The following JDP2 variants were observed in gnomAD, a reference collection of about 807,000 sequenced individuals.
JDP2 encodes the protein Jun dimerization protein 2.
A neutral mutation model predicts 17.1 loss-of-function variants in JDP2; 9 were observed. The observed-to-expected ratio is 0.53, with a 90% confidence interval of 0.32 to 0.92. JDP2 has a LOEUF of 0.92. JDP2 is among the 40% of genes least tolerant of loss of function. JDP2 has a pLI of 0.04. For synonymous variants in JDP2, 107 were observed against 95.6 expected (o/e 1.12, Z -0.69); for missense variants, 179 against 220.0 (o/e 0.81, Z 1.18).
chr14:75,462,425 T>A (rs1886382262), intron 3 of JDP2, among the ~76,000 whole-genome samples: 1 of 152,242 alleles, frequency 6.6e-6, no homozygotes. Context: ...TTGGGTGCTG[T>A]GCTGAATGCT....
chr14:75,462,482 G>A (rs1181711183), intron 3 of JDP2, among the ~76,000 whole-genome samples: 1 of 152,110 alleles, frequency 6.6e-6, no homozygotes, highest in African/African-American at 2.4e-5. Context: ...ATATGAAGTG[G>A]GTACCTTCAT....
At chr14:75,445,016 A>T in intron 2 of JDP2, 3 of 773,624 alleles carry the variant, frequency 3.9e-6, no homozygotes, top group Non-Finnish European at 4.7e-6. Flanking sequence ...CCATCAACCA[A>T]CAATCTTTTA....
At chr14:75,436,798 C>A (rs940784294) in intron 1 of JDP2, among the ~76,000 whole-genome samples, 3 of 152,224 alleles carry the variant, frequency 2.0e-5, no homozygotes, top group African/African-American at 7.2e-5. Context: ...TTGGTGTTGA[C>A]CTGTCTAATT....
intron 2 of JDP2, among the ~76,000 whole-genome samples, chr14:75,447,655 T>A (rs896007873): frequency 6.6e-6 from 1 of 152,098 alleles, no homozygotes; most frequent in Non-Finnish European, 1.5e-5. Flanking sequence ...ATCTATTATC[T>A]GTCTATGTTT....
intron 3 of JDP2, among the ~76,000 whole-genome samples, chr14:75,464,292 A>G (rs1594975909): frequency 6.6e-6 from 1 of 152,306 alleles, no homozygotes; most frequent in African/African-American, 2.4e-5. Flanking sequence ...AATAAATAGT[A>G]ATTATTTAAG....
intron 2 of JDP2, among the ~76,000 whole-genome samples, chr14:75,439,833 T>A (rs1885252848): frequency 1.3e-5 from 2 of 152,180 alleles, no homozygotes; most frequent in African/African-American, 2.4e-5. Flanking sequence ...AGCATCTGTT[T>A]CTGGATCATT....
Position 75,470,184 on chromosome 14 carries a change from T to G in JDP2, c.*709T>G, listed in dbSNP as rs902591998. The G allele has an allele frequency of 6.6e-6, 1 of 152,000 alleles. No homozygotes were observed. The highest frequency in any genetic ancestry group is 6.6e-5 in the Admixed American group (1 of 15,264). The allele number at this position is 152,000 out of a possible 1,614,324, so 9.4% of individuals were successfully genotyped here. ...TTTTTATACTTTCCTTTTTTTTTTTTTTTTTAATATTTTTTACAAAAAAAA... is the reference window on the plus strand; with the variant it reads ...TTTTTATACTTTCCTTTTTTTTTTTGTTTTTAATATTTTTTACAAAAAAAA... On this transcript the variant is annotated 3_prime_UTR_variant, in exon 4 of 4. Transcript: ENST00000651602.
rs759409550 is a variant in JDP2, at chr14:75,461,515, G to A, written c.291G>A (p.Thr97=). Residue 97 remains threonine (T), a synonymous_variant, in exon 3 of 4, where the codon ACG becomes ACA. Transcript: ENST00000651602. ...GCCGGAACAAGAAGAAGGAGCGCAC[G>A]GAGTTTCTGCAGCGGGTGAGCTGAC... is the stretch of plus-strand genomic sequence containing the variant. ...ARCRNKKKER[T]EFLQRESERL... 8.1e-6 allele frequency: 13 copies of A among 1,605,996 alleles called. No homozygotes were observed. Among genetic ancestry groups the A allele is most frequent in the Admixed American group, 3.4e-5 (2 of 58,714 alleles).
intron 2 of JDP2, among the ~76,000 whole-genome samples, chr14:75,446,171 A>C (rs1885591013): frequency 6.6e-6 from 1 of 152,238 alleles, no homozygotes; most frequent in Admixed American, 6.5e-5. Flanking sequence ...ATTGGTGAGC[A>C]TGTGGAGAAG....
chr14:75,429,923 C>T (rs1281210885), intron 1 of JDP2, among the ~76,000 whole-genome samples: 1 of 151,874 alleles, frequency 6.6e-6, no homozygotes, highest in Non-Finnish European at 1.5e-5. Context: ...GGCTTTTCTC[C>T]TAGGTGGGCT....
intron 2 of JDP2, among the ~76,000 whole-genome samples, chr14:75,442,033 G>A (rs895557329): frequency 2.0e-5 from 3 of 151,438 alleles, no homozygotes; most frequent in East Asian, 1.9e-4. Flanking sequence ...TCACCCTCTC[G>A]CCACGTCTCG....
intron 2 of JDP2, among the ~76,000 whole-genome samples, chr14:75,448,477 G>A (rs1885708102): frequency 6.6e-6 from 1 of 152,174 alleles, no homozygotes; most frequent in Non-Finnish European, 1.5e-5. Context: ...TCTGAGAATG[G>A]TTAAAGGATC....
chr14:75,430,136 T>G lies in JDP2; in HGVS notation c.-24+1884T>G, dbSNP rs75523764. The stretch of plus-strand genomic sequence containing the variant: ...CTGGGTTTGTTGTCATCTCCCTACC[T>G]GTTTGTAGGATGTGTGGGCATTTTT... On this transcript the variant is annotated intron_variant, in intron 1 of 3. Transcript: ENST00000651602. This position sits in a 1 kb window ranked among gnomAD's most constrained non-coding sequence, Gnocchi z 4.5. Among the ~76,000 whole-genome samples, 888 of 152,308 alleles carry G rather than the reference T, an allele frequency of 5.8e-3. 11 individuals carry two copies. The highest frequency in any genetic ancestry group is 0.032 in the East Asian group (166 of 5,190).
intron 1 of JDP2, chr14:75,432,167 T>C (rs1453703371): frequency 1.5e-6 from 1 of 671,446 alleles, no homozygotes; most frequent in Admixed American, 2.5e-5. Context: ...GCCTTCACTC[T>C]CAGTCTTGGG....
intron 2 of JDP2, among the ~76,000 whole-genome samples, chr14:75,448,130 C>T (rs1171130778): frequency 1.3e-5 from 2 of 152,014 alleles, no homozygotes; most frequent in Non-Finnish European, 2.9e-5. Context: ...TCTTTTTGTT[C>T]TCATTGAATG....
intron 2 of JDP2, among the ~76,000 whole-genome samples, chr14:75,460,236 C>T (rs957332623): frequency 6.6e-6 from 1 of 152,154 alleles, no homozygotes; most frequent in Non-Finnish European, 1.5e-5. Flanking sequence ...TTAACATGTC[C>T]TGAGGGAGAA....
At chr14:75,431,786 C>G (rs1474503) in intron 1 of JDP2, among the ~76,000 whole-genome samples, 102,496 of 152,146 alleles carry the variant, frequency 0.67, 35,275 homozygotes, top group African/African-American at 0.81. Flanking sequence ...CTGCAGGAAA[C>G]AGAGACTAGT....
At chr14:75,435,588 G>A (rs555018788) in intron 1 of JDP2, among the ~76,000 whole-genome samples, 2 of 152,342 alleles carry the variant, frequency 1.3e-5, no homozygotes, top group South Asian at 2.1e-4. Context: ...GGGACCAGGA[G>A]TCGAGCCCTG....
chr14:75,453,487 CA>C (rs1269444928), intron 2 of JDP2, among the ~76,000 whole-genome samples: 1 of 152,242 alleles, frequency 6.6e-6, no homozygotes, highest in Non-Finnish European at 1.5e-5. Context: ...GGAGGCAGGC[CA>C]GTGTGCCGCT....
Sources: gnomAD v4.1 joint callset for allele counts (sites outside exome capture counted in the v4.1 genomes callset) on GRCh38, gnomAD v4.1.1 for gene constraint, Gnocchi (gnomAD v3.1) non-coding constraint, MANE v1.5 for transcripts, NCBI Gene and HGNC (gene_info 2026-07-23, HGNC 2026-07-21) for gene names.